The following OSTM1 variants were observed in gnomAD, a reference collection of about 807,000 sequenced individuals.
OSTM1 encodes osteoclastogenesis associated transmembrane protein 1.
Under a neutral mutation model 35.4 loss-of-function variants are expected in OSTM1, and 26 were observed. That is an observed-to-expected ratio of 0.73 (90% confidence interval 0.54 to 1.02). The LOEUF (loss-of-function observed/expected upper bound fraction) is 1.02, where lower values mean the gene tolerates loss of function less well. OSTM1 is among the 50% of genes least tolerant of loss of function. OSTM1 has a pLI of 0.00. For missense variants in OSTM1, 366 were observed against 409.6 expected (o/e 0.89, Z 0.92); for synonymous variants, 181 against 165.0 (o/e 1.10, Z -0.75).
chr6:108,056,192 T>C (rs1309014919), intron 2 of OSTM1, among the ~76,000 whole-genome samples: 1 of 152,206 alleles, frequency 6.6e-6, no homozygotes, highest in South Asian at 2.1e-4. Context: ...TTTAAACACA[T>C]TTGCCCATTT....
At chr6:108,069,367 TC>T (rs1772442237) in intron 1 of OSTM1, among the ~76,000 whole-genome samples, 1 of 152,314 alleles carries the variant, frequency 6.6e-6, no homozygotes, top group East Asian at 1.9e-4. Context: ...TCTGGCTTTC[TC>T]CCTATAGTCC....
At chr6:108,063,724 T>C (rs1364792445) in intron 2 of OSTM1, among the ~76,000 whole-genome samples, 3 of 152,200 alleles carry the variant, frequency 2.0e-5, no homozygotes, top group African/African-American at 7.2e-5. Flanking sequence ...GTAAACATCA[T>C]AATTATTATT....
In OSTM1 at chr6:108,044,436, A is replaced by C. The variant is rs888509203; in HGVS notation, c.*349T>G. On this transcript the variant is annotated 3_prime_UTR_variant, in exon 6 of 6. Coordinates refer to ENST00000193322, the MANE Select transcript of OSTM1 (RefSeq NM_014028.4). Reference sequence around the variant, plus strand: ...AATTTTTAAATGTTAGTTTTCAAAAACTTTTCTACTTGAGATATTTATGTT... The same window carrying C: ...AATTTTTAAATGTTAGTTTTCAAAACCTTTTCTACTTGAGATATTTATGTT... 1 of 169,184 alleles carries C rather than the reference A, an allele frequency of 5.9e-6. No homozygotes were observed. Among genetic ancestry groups the C allele is most frequent in the African/African-American group, 2.4e-5 (1 of 42,014 alleles). 10.5% of individuals were successfully genotyped at this position (169,184 alleles called of 1,614,324 possible). A position where few individuals can be genotyped will look rare whatever the true frequency, so the allele number is the denominator to read the frequency against.
intron 2 of OSTM1, 112 bp downstream of exon 2, chr6:108,064,073 T>A (rs1181342172): frequency 2.9e-6 from 2 of 693,854 alleles, no homozygotes; most frequent in Non-Finnish European, 5.2e-6. Flanking sequence ...TATTTAAACT[T>A]AGCAATAAAA....
At chr6:108,058,032 T>C (rs1772198010) in intron 2 of OSTM1, among the ~76,000 whole-genome samples, 2 of 150,362 alleles carry the variant, frequency 1.3e-5, no homozygotes, top group African/African-American at 2.5e-5. Flanking sequence ...AGGCATCAGC[T>C]TAAGAGTCAA....
chr6:108,070,037 AT>A lies in OSTM1; in HGVS notation c.402+4212del, dbSNP rs369002554. 5.9e-3 allele frequency among the ~76,000 whole-genome samples: 879 copies of A among 148,012 alleles called. 11 individuals carry two copies. Among genetic ancestry groups the A allele is most frequent in the African/African-American group, 0.021 (852 of 40,442 alleles). On this transcript the variant is annotated intron_variant, in intron 1 of 5. Coordinates refer to ENST00000193322, the MANE Select transcript of OSTM1 (RefSeq NM_014028.4). ...TGAACCAGCCTTGCTCTGTTCCGTC[AT>A]TTTTTTTTTCTTTTTTTGAGATGGA...
intron 2 of OSTM1, 49 bp from the exon 3 acceptor site, chr6:108,054,636 C>T (rs762248908): frequency 2.3e-6 from 2 of 857,990 alleles, no homozygotes; most frequent in South Asian, 1.4e-5. Context: ...AGGAACAATT[C>T]TATGTTGTCA....
chr6:108,049,199 A>T (rs1772033001), intron 5 of OSTM1, 54 bp downstream of exon 5: 1 of 1,319,680 alleles, frequency 7.6e-7, no homozygotes, highest in Admixed American at 2.0e-5. Flanking sequence ...AACAGGCCTA[A>T]ATTTTTAAAA....
chr6:108,065,597 C>G (rs1772362979), intron 1 of OSTM1, among the ~76,000 whole-genome samples: 1 of 152,142 alleles, frequency 6.6e-6, no homozygotes, highest in South Asian at 2.1e-4. Context: ...GGGTCACTAG[C>G]TAGTGACCTT....
At chr6:108,049,541 C>G in intron 4 of OSTM1, 123 bp from the exon 5 acceptor site, 1 of 1,505,078 alleles carries the variant, frequency 6.6e-7, no homozygotes, top group Non-Finnish European at 8.8e-7. Flanking sequence ...CCTCTAAAAA[C>G]CTACTGATAG....
Position 108,074,716 on chromosome 6 carries a change from A to C in OSTM1, c.-65T>G. ...TCCGCCCCCAGCCGGCACCGCGGAC[A>C]GCCGCCGCTTCCGGTTTCCGCGAGC... is the stretch of plus-strand genomic sequence containing the variant. On this transcript the variant is annotated 5_prime_UTR_variant, in exon 1 of 6. Transcript: ENST00000193322. 1.4e-6 allele frequency: 2 copies of C among 1,429,030 alleles called. No individual in the cohort carries two copies. Among genetic ancestry groups the C allele is most frequent in the Non-Finnish European group, 1.8e-6 (2 of 1,096,830 alleles). The allele number at this position is 1,429,030 out of a possible 1,614,324, so 88.5% of individuals were successfully genotyped here.
intron 2 of OSTM1, among the ~76,000 whole-genome samples, chr6:108,055,561 C>A (rs59915954): frequency 9.2e-5 from 14 of 152,166 alleles, no homozygotes; most frequent in African/African-American, 3.1e-4. Context: ...TATCTCCAAT[C>A]GAGGTTCAAC....
chr6:108,047,284 G>A (rs1771993492), intron 5 of OSTM1, among the ~76,000 whole-genome samples: 1 of 152,158 alleles, frequency 6.6e-6, no homozygotes, highest in African/African-American at 2.4e-5. Flanking sequence ...AAGGGCCTTG[G>A]AAAAGGGGCA....
intron 1 of OSTM1, among the ~76,000 whole-genome samples, chr6:108,066,954 C>A (rs1194260240): frequency 1.3e-5 from 2 of 152,194 alleles, no homozygotes; most frequent in Admixed American, 6.5e-5. Flanking sequence ...ATACTCAAAT[C>A]TATCCTAACT....
At chr6:108,052,432 C>CA (rs1174266231) in intron 3 of OSTM1, among the ~76,000 whole-genome samples, 8,894 of 65,950 alleles carry the variant, frequency 0.13, 521 homozygotes, top group Admixed American at 0.29. Flanking sequence ...GACTCCGTCT[C>CA]AAAAAAAAAA....
At chr6:108,045,427 A>G (rs1771950469) in intron 5 of OSTM1, among the ~76,000 whole-genome samples, 1 of 151,926 alleles carries the variant, frequency 6.6e-6, no homozygotes. Context: ...AGCTATACAT[A>G]TTGGAAAGAA....
At chr6:108,046,365 G>A (rs1408094939) in intron 5 of OSTM1, among the ~76,000 whole-genome samples, 4 of 135,260 alleles carry the variant, frequency 3.0e-5, no homozygotes, top group African/African-American at 8.4e-5. Flanking sequence ...TTTTTGAGAC[G>A]GAGTCTCACT....
At chr6:108,059,960 T>A (rs1002256145) in intron 2 of OSTM1, among the ~76,000 whole-genome samples, 4 of 152,242 alleles carry the variant, frequency 2.6e-5, no homozygotes, top group South Asian at 2.1e-4. Flanking sequence ...TTAAATTTTT[T>A]AAATTTCTAT....
intron 1 of OSTM1, among the ~76,000 whole-genome samples, chr6:108,070,344 C>T (rs1178902776): frequency 6.6e-6 from 1 of 151,956 alleles, no homozygotes; most frequent in Non-Finnish European, 1.5e-5. Context: ...TGGCTCTGTT[C>T]CCTCCTTTAA....
Sources: allele counts gnomAD v4.1 joint callset (sites outside exome capture counted in the v4.1 genomes callset), GRCh38; gene constraint gnomAD v4.1.1; transcripts MANE v1.5; gene names NCBI Gene and HGNC (gene_info 2026-07-23, HGNC 2026-07-21).